The following RPA3 variants were observed in gnomAD, a reference collection of about 807,000 sequenced individuals.
RPA3 encodes the protein replication protein A3.
RPA3 carries 24 observed loss-of-function variants against 13.7 expected under a neutral mutation model. The ratio of observed to expected loss-of-function variants is 1.75; its 90% confidence interval spans 1.27 to 2.46. The LOEUF (loss-of-function observed/expected upper bound fraction) is 2.46. RPA3 is among the 30% of genes most tolerant of loss of function. RPA3 has a pLI of 0.00. For missense variants in RPA3, 183 were observed against 151.0 expected, an observed-to-expected ratio of 1.21 and a Z score of -1.11; for synonymous variants, 59 against 51.2, an observed-to-expected ratio of 1.15 and a Z score of -0.65.
intron 4 of RPA3, among the ~76,000 whole-genome samples, chr7:7,646,196 G>A (rs1785089848): frequency 1.3e-5 from 2 of 152,164 alleles, no homozygotes; most frequent in African/African-American, 4.8e-5. Flanking sequence ...CTGAATTCTT[G>A]TCTAGCATCG....
chr7:7,655,245 C>T (rs1785314130), intron 4 of RPA3, among the ~76,000 whole-genome samples: 1 of 152,062 alleles, frequency 6.6e-6, no homozygotes, highest in Non-Finnish European at 1.5e-5. Context: ...CTAGACTGCC[C>T]CTTCCCCCAG....
At chr7:7,692,929 A>G (rs1369916991) in intron 2 of RPA3, among the ~76,000 whole-genome samples, 1 of 152,170 alleles carries the variant, frequency 6.6e-6, no homozygotes, top group Non-Finnish European at 1.5e-5. Flanking sequence ...TTAAAATGGT[A>G]TATTTCATGT....
intron 2 of RPA3, among the ~76,000 whole-genome samples, chr7:7,695,931 T>C (rs1780303860): frequency 1.3e-5 from 2 of 152,098 alleles, no homozygotes; most frequent in African/African-American, 4.8e-5. Context: ...AGATGGATCA[T>C]TGACCTTTGT....
intron 2 of RPA3, among the ~76,000 whole-genome samples, chr7:7,711,182 A>T (rs930855793): frequency 6.6e-6 from 1 of 152,188 alleles, no homozygotes; most frequent in Non-Finnish European, 1.5e-5. Flanking sequence ...AGATGTTGCC[A>T]TTGTGGTAAA....
intron 4 of RPA3, among the ~76,000 whole-genome samples, chr7:7,665,338 A>G (rs1490334670): frequency 6.6e-6 from 1 of 152,218 alleles, no homozygotes; most frequent in Non-Finnish European, 1.5e-5. Flanking sequence ...TATACCATTA[A>G]AAGTCAATAC....
intron 4 of RPA3, among the ~76,000 whole-genome samples, chr7:7,660,153 G>T (rs1785438724): frequency 6.6e-6 from 1 of 152,090 alleles, no homozygotes; most frequent in African/African-American, 2.4e-5. Flanking sequence ...CATTTGCTTG[G>T]TAAATATTCT....
At chr7:7,674,122 T>A (rs941424196) in intron 4 of RPA3, among the ~76,000 whole-genome samples, 1 of 152,202 alleles carries the variant, frequency 6.6e-6, no homozygotes, top group African/African-American at 2.4e-5. Context: ...TGTGGGGTAG[T>A]CAAACCCAGT....
At chr7:7,716,007 C>T (rs906133493) in intron 1 of RPA3, among the ~76,000 whole-genome samples, 2 of 151,336 alleles carry the variant, frequency 1.3e-5, no homozygotes, top group Admixed American at 1.3e-4. Context: ...TCAGACAAAT[C>T]GAATAATTTT....
intron 2 of RPA3, among the ~76,000 whole-genome samples, chr7:7,687,657 CT>C (rs1211541183): frequency 6.6e-6 from 1 of 152,200 alleles, no homozygotes; most frequent in African/African-American, 2.4e-5. Flanking sequence ...CTGCCAAACT[CT>C]GGTTGTCAGT....
intron 4 of RPA3, among the ~76,000 whole-genome samples, chr7:7,650,948 G>A (rs1785211179): frequency 6.6e-6 from 1 of 152,072 alleles, no homozygotes; most frequent in Admixed American, 6.6e-5. Flanking sequence ...CAGATTTGTT[G>A]TACTCAGGAA....
intron 4 of RPA3, among the ~76,000 whole-genome samples, chr7:7,657,809 C>G (rs1368846429): frequency 6.6e-6 from 1 of 152,072 alleles, no homozygotes; most frequent in African/African-American, 2.4e-5. Flanking sequence ...TATTTTGGTT[C>G]TATGTGAAAT....
chr7:7,651,956 TCCTC>T (rs934608817), intron 4 of RPA3, among the ~76,000 whole-genome samples: 1 of 152,108 alleles, frequency 6.6e-6, no homozygotes, highest in African/African-American at 2.4e-5. Context: ...CCCTCCTGAC[TCCTC>T]CCTCTCTCCC....
At chr7:7,653,849 A>C (rs915488816) in intron 4 of RPA3, among the ~76,000 whole-genome samples, 3 of 152,214 alleles carry the variant, frequency 2.0e-5, no homozygotes, top group Non-Finnish European at 4.4e-5. Context: ...ATAGGAAGGC[A>C]CTTAGTGGGT....
At chr7:7,646,622 C>G (rs1448322559) in intron 4 of RPA3, among the ~76,000 whole-genome samples, 1 of 151,604 alleles carries the variant, frequency 6.6e-6, no homozygotes, top group African/African-American at 2.4e-5. Context: ...TATAAATTAC[C>G]CAGTCTCAGG....
At chr7:7,716,662 C>G (rs1017884893) in intron 1 of RPA3, among the ~76,000 whole-genome samples, 2 of 152,098 alleles carry the variant, frequency 1.3e-5, no homozygotes, top group Non-Finnish European at 2.9e-5. Context: ...TGGAGGCCGG[C>G]GCGGCCGGCG....
Position 7,640,422 on chromosome 7 carries a change from T to C in RPA3, c.-4A>G. The C allele has an allele frequency of 1.2e-6, 2 of 1,613,554 alleles. No homozygotes were observed. The highest frequency in any genetic ancestry group is 8.5e-7 in the Non-Finnish European group (1 of 1,179,688). On this transcript the variant is annotated 5_prime_UTR_variant, in exon 5 of 8. The change creates a new upstream start codon in the 5' untranslated region. Transcript: ENST00000223129. ...GCAAGTCCATCATGTCCACCATGATTATGGTCCAAGACTGCGGCTGGCGGG... is the reference window on the plus strand; with the variant it reads ...GCAAGTCCATCATGTCCACCATGATCATGGTCCAAGACTGCGGCTGGCGGG...
intron 4 of RPA3, among the ~76,000 whole-genome samples, chr7:7,659,917 T>A (rs1785433336): frequency 6.6e-6 from 1 of 152,222 alleles, no homozygotes; most frequent in Non-Finnish European, 1.5e-5. Flanking sequence ...AGTCTCCCAC[T>A]ATTATTGTGT....
chr7:7,671,224 C>T (rs1448762810), intron 4 of RPA3, among the ~76,000 whole-genome samples: 3 of 152,170 alleles, frequency 2.0e-5, no homozygotes, highest in African/African-American at 7.2e-5. Context: ...AATAGCCAGA[C>T]CTAAAATTTT....
At chr7:7,716,605 T>C (rs546206048) in intron 1 of RPA3, among the ~76,000 whole-genome samples, 3 of 152,326 alleles carry the variant, frequency 2.0e-5, no homozygotes, top group Admixed American at 6.5e-5. Context: ...GCAGGCAACA[T>C]GGTGCTGGCC....
Sources: allele counts gnomAD v4.1 joint callset (sites outside exome capture counted in the v4.1 genomes callset), GRCh38; gene constraint gnomAD v4.1.1; transcripts MANE v1.5; gene names NCBI Gene and HGNC (gene_info 2026-07-23, HGNC 2026-07-21).